The following TFEC variants were observed in gnomAD, a reference collection of about 807,000 sequenced individuals.
TFEC encodes transcription factor EC, also known as class E basic helix-loop-helix protein 34.
Under a neutral mutation model 41.6 loss-of-function variants are expected in TFEC, and 31 were observed. That is an observed-to-expected ratio of 0.74 (90% CI 0.56 to 1.01). The LOEUF (loss-of-function observed/expected upper bound fraction) is 1.01, where lower values mean the gene tolerates loss of function less well. TFEC is among the 50% of genes least tolerant of loss of function. The pLI is 0.00. For missense variants in TFEC, 402 were observed against 404.1 expected, an observed-to-expected ratio of 0.99 and a Z score of 0.04; for synonymous variants, 143 against 140.6, an observed-to-expected ratio of 1.02 and a Z score of -0.12.
chr7:116,019,064 G>GAA (rs906214098), intron 1 of TFEC, among the ~76,000 whole-genome samples: 1 of 149,818 alleles, frequency 6.7e-6, no homozygotes, highest in African/African-American at 2.5e-5. Context: ...AAAGAGTGAG[G>GAA]AAAAAAAAAT....
chr7:116,000,118 G>A (rs1391365158), intron 1 of TFEC, among the ~76,000 whole-genome samples: 1 of 151,918 alleles, frequency 6.6e-6, no homozygotes, highest in Non-Finnish European at 1.5e-5. Context: ...AATTCATCAT[G>A]ACCAAATGGG....
At chr7:115,981,034 GCATGTT>G (rs1793607949) in intron 2 of TFEC, among the ~76,000 whole-genome samples, 1 of 151,984 alleles carries the variant, frequency 6.6e-6, no homozygotes, top group Non-Finnish European at 1.5e-5. Context: ...ATTTTCTCTT[GCATGTT>G]CCTAATGCAG....
intron 3 of TFEC, among the ~76,000 whole-genome samples, chr7:115,965,082 A>G (rs1010447390): frequency 4.0e-5 from 6 of 151,550 alleles, no homozygotes; most frequent in Admixed American, 3.3e-4. Flanking sequence ...GCCTAACTGG[A>G]GTTTTCTGTA....
chr7:115,970,726 C>T (rs189158382), intron 3 of TFEC, among the ~76,000 whole-genome samples: 27 of 151,938 alleles, frequency 1.8e-4, no homozygotes, highest in African/African-American at 6.3e-4. Context: ...CACATAGGAG[C>T]TAGTTATTTA....
At chr7:115,958,871 T>C (rs1792378582) in intron 3 of TFEC, among the ~76,000 whole-genome samples, 1 of 151,828 alleles carries the variant, frequency 6.6e-6, no homozygotes, top group South Asian at 2.1e-4. Flanking sequence ...AACAATTGAG[T>C]TCAGTTTCAA....
chr7:116,009,817 G>A (rs1262770873), intron 1 of TFEC, among the ~76,000 whole-genome samples: 1 of 152,158 alleles, frequency 6.6e-6, no homozygotes, highest in Non-Finnish European at 1.5e-5. Flanking sequence ...CTCTCCTCAT[G>A]TAGCTTATGG....
chr7:116,055,014 A>T (rs932149752), intron 3 of TFEC, among the ~76,000 whole-genome samples: 6 of 152,160 alleles, frequency 3.9e-5, no homozygotes, highest in Middle Eastern at 3.2e-3. Flanking sequence ...TAAAAGCAAA[A>T]GTATTTTCAC....
At chr7:115,950,817 T>C (rs1434869189) in intron 6 of TFEC, 57 bp downstream of exon 6, 1 of 1,360,210 alleles carries the variant, frequency 7.4e-7, no homozygotes, top group African/African-American at 1.5e-5. Flanking sequence ...TTCCCTCCCA[T>C]TCATTTTGGG....
chr7:115,976,543 C>A (rs1231784596), intron 2 of TFEC, among the ~76,000 whole-genome samples: 2 of 152,084 alleles, frequency 1.3e-5, no homozygotes, highest in Admixed American at 1.3e-4. Flanking sequence ...GATGTTAAAT[C>A]CTTGTGCACA....
At chr7:116,074,687 A>T (rs1239331299) in intron 3 of TFEC, among the ~76,000 whole-genome samples, 2 of 152,158 alleles carry the variant, frequency 1.3e-5, no homozygotes, top group Non-Finnish European at 2.9e-5. Flanking sequence ...CCACTTTGGA[A>T]AATAATTTAG....
chr7:115,943,019 T>C (rs1474348227), intron 6 of TFEC, among the ~76,000 whole-genome samples: 1 of 151,998 alleles, frequency 6.6e-6, no homozygotes, highest in Non-Finnish European at 1.5e-5. Flanking sequence ...ACATATATTT[T>C]TGGTGATGTG....
At chr7:116,062,795 A>G (rs1307009452) in intron 3 of TFEC, among the ~76,000 whole-genome samples, 1 of 151,992 alleles carries the variant, frequency 6.6e-6, no homozygotes, top group Non-Finnish European at 1.5e-5. Context: ...AGGAATCTCC[A>G]CACTGTTTTC....
At chr7:115,973,337 T>C (rs1469123870) in intron 3 of TFEC, among the ~76,000 whole-genome samples, 4 of 152,150 alleles carry the variant, frequency 2.6e-5, no homozygotes, top group South Asian at 2.1e-4. Context: ...GTCTAGCCTA[T>C]TGACTTATAG....
At chr7:116,015,535 A>C (rs902974375) in intron 1 of TFEC, among the ~76,000 whole-genome samples, 7 of 152,174 alleles carry the variant, frequency 4.6e-5, no homozygotes, top group African/African-American at 1.7e-4. Flanking sequence ...TAATGTGATC[A>C]ATTAGCATTT....
intron 6 of TFEC, among the ~76,000 whole-genome samples, chr7:115,945,536 G>T (rs1048799262): frequency 4.6e-5 from 7 of 151,680 alleles, no homozygotes; most frequent in African/African-American, 1.7e-4. Flanking sequence ...TTAGTACTGA[G>T]ATTTTTGGAA....
At chr7:116,019,159 G>A (rs1393616979) in intron 1 of TFEC, among the ~76,000 whole-genome samples, 1 of 152,008 alleles carries the variant, frequency 6.6e-6, no homozygotes, top group African/African-American at 2.4e-5. Flanking sequence ...TGAGAGCTAT[G>A]GTCCAGCCAA....
chr7:116,023,955 C>T (rs746787529), intron 1 of TFEC, among the ~76,000 whole-genome samples: 2 of 152,084 alleles, frequency 1.3e-5, no homozygotes, highest in Admixed American at 1.3e-4. Context: ...AATTAATTCC[C>T]TTTTTTAGTG....
intron 4 of TFEC, among the ~76,000 whole-genome samples, chr7:115,956,057 CTGT>C (rs1792207451): frequency 6.6e-6 from 1 of 151,946 alleles, no homozygotes; most frequent in Admixed American, 6.6e-5. Context: ...CTGTAATCAG[CTGT>C]TACACCTTTA....
At chr7:116,035,280 T>A (rs1385048667), upstream of TFEC, among the ~76,000 whole-genome samples, 4 of 151,974 alleles carry the variant, frequency 2.6e-5, no homozygotes, top group Admixed American at 1.3e-4. Context: ...TTTACCATAA[T>A]ACATTCTCAC....
Sources: allele counts gnomAD v4.1 joint callset (sites outside exome capture counted in the v4.1 genomes callset), GRCh38; gene constraint gnomAD v4.1.1; transcripts MANE v1.5; gene names NCBI Gene and HGNC (gene_info 2026-07-23, HGNC 2026-07-21).